ANK2: variants seen among roughly 807,000 people sequenced by gnomAD.
ANK2 encodes ankyrin-2.
ANK2 carries 83 observed loss-of-function variants against 360.5 expected under a neutral mutation model. That is an observed-to-expected ratio of 0.23 (90% CI 0.19 to 0.28). The LOEUF is 0.28. Among genes scored for constraint, ANK2 ranks in the 10% least tolerant of loss-of-function variants. The probability of loss-of-function intolerance (pLI) is 1.00; values close to 1 mark genes in which losing one functional copy is unlikely to be tolerated. For synonymous variants in ANK2, 1,740 were observed against 1,759.5 expected, an observed-to-expected ratio of 0.99 and a Z score of 0.28; for missense variants, 4,201 against 4,795.7, an observed-to-expected ratio of 0.88 and a Z score of 3.66.
chr4:113,173,102 C>G (rs1280956496), intron 1 of ANK2, among the ~76,000 whole-genome samples: 1 of 152,146 alleles, frequency 6.6e-6, no homozygotes, highest in Non-Finnish European at 1.5e-5. Flanking sequence ...TTCAGTCACA[C>G]CTTTCAACTC....
intron 9 of ANK2, among the ~76,000 whole-genome samples, chr4:113,247,200 C>G (rs1202279681): frequency 6.6e-6 from 1 of 150,692 alleles, no homozygotes; most frequent in African/African-American, 2.4e-5. Context: ...CACAAGGGGT[C>G]TCTGGAAGGG....
intron 2 of ANK2, among the ~76,000 whole-genome samples, chr4:113,193,214 A>G (rs530253693): frequency 5.3e-5 from 8 of 152,372 alleles, no homozygotes; most frequent in African/African-American, 1.9e-4. Context: ...GGAATTTAAA[A>G]GAAACCCTTG....
chr4:113,123,531 A>T (rs564060590), intron 1 of ANK2, among the ~76,000 whole-genome samples: 36 of 152,160 alleles, frequency 2.4e-4, no homozygotes, highest in Non-Finnish European at 5.0e-4. Flanking sequence ...TGTAAAGAAG[A>T]CTTTTCTCAA....
chr4:112,906,038 A>G (rs2085078738), intron 2 of ANK2, among the ~76,000 whole-genome samples: 1 of 152,204 alleles, frequency 6.6e-6, no homozygotes, highest in East Asian at 1.9e-4. Context: ...AATATATTCC[A>G]ATACATTTTG....
chr4:113,286,735 G>A (rs2064802895), intron 18 of ANK2, among the ~76,000 whole-genome samples: 1 of 152,138 alleles, frequency 6.6e-6, no homozygotes, highest in South Asian at 2.1e-4. Flanking sequence ...CAATAGTGAG[G>A]GGAGAGAAAT....
chr4:112,748,100 T>C, the ANK2 span, among the ~76,000 whole-genome samples: 1 of 152,132 alleles, frequency 6.6e-6, no homozygotes, highest in African/African-American at 2.4e-5. Flanking sequence ...CTGCAGTGCA[T>C]CAGGAAAATG....
chr4:113,321,462 A>G (rs562057053), intron 26 of ANK2, among the ~76,000 whole-genome samples: 3 of 152,200 alleles, frequency 2.0e-5, no homozygotes, highest in Non-Finnish European at 2.9e-5. Flanking sequence ...CAGTGTTTCA[A>G]CAAACACAAT....
At chr4:112,996,659 A>G (rs2048629276) in intron 2 of ANK2, among the ~76,000 whole-genome samples, 2 of 152,106 alleles carry the variant, frequency 1.3e-5, no homozygotes, top group African/African-American at 4.8e-5. Flanking sequence ...ATGTTTTGAT[A>G]CAGGCATGCA....
chr4:112,708,761 A>G, the ANK2 span, among the ~76,000 whole-genome samples: 56 of 152,326 alleles, frequency 3.7e-4, no homozygotes, highest in African/African-American at 1.3e-3. Context: ...TCACTCCTCT[A>G]ATAATGAGCC....
intron 1 of ANK2, among the ~76,000 whole-genome samples, chr4:112,833,589 C>T (rs1236574315): frequency 6.6e-6 from 1 of 151,672 alleles, no homozygotes; most frequent in Admixed American, 6.6e-5. Context: ...CTGCAAGCTC[C>T]GCCTCCCGGG....
chr4:113,034,538 G>A (rs2061152948), intron 2 of ANK2: 1 of 151,008 alleles, frequency 6.6e-6, no homozygotes, highest in African/African-American at 2.4e-5. Context: ...TTTTATGCAT[G>A]TCCTTGAGGG....
chr4:113,213,548 A>G (rs1184958645), intron 4 of ANK2, among the ~76,000 whole-genome samples: 1 of 152,186 alleles, frequency 6.6e-6, no homozygotes, highest in East Asian at 1.9e-4. Flanking sequence ...TATAATATAA[A>G]TCTTTGATTC....
At chr4:113,080,091 G>A (rs2081775477) in intron 1 of ANK2, among the ~76,000 whole-genome samples, 1 of 152,016 alleles carries the variant, frequency 6.6e-6, no homozygotes, top group Admixed American at 6.6e-5. Flanking sequence ...TAGAGACGGG[G>A]TTTCGCCATG....
intron 1 of ANK2, among the ~76,000 whole-genome samples, chr4:113,162,610 A>G (rs1452860481): frequency 1.3e-5 from 2 of 152,180 alleles, no homozygotes; most frequent in Non-Finnish European, 2.9e-5. Context: ...CTAAATGTAA[A>G]TAGTAAAACA....
intron 5 of ANK2, among the ~76,000 whole-genome samples, chr4:113,234,866 C>T (rs1395863218): frequency 2.6e-5 from 4 of 152,156 alleles, no homozygotes; most frequent in Admixed American, 2.0e-4. Flanking sequence ...AGCTACCAAA[C>T]TTTAATATGG....
Position 113,377,006 on chromosome 4 carries a change from C to T in ANK2, c.11859+3557C>T, listed in dbSNP as rs538413503. On this transcript the variant is annotated intron_variant, in intron 45 of 45. Transcript: ENST00000357077. ...TCTGCAATACCTCCTGAAGGACCTG[C>T]CTGAGGCTCCTTGATAATTAACTGT... Among the ~76,000 whole-genome samples the T allele has an allele frequency of 2.0e-5, 3 of 151,788 alleles. No individual in the cohort carries two copies. The South Asian group carries it at 6.3e-4, about 32-fold the overall frequency.
chr4:113,336,823 A>G (rs927153764), intron 31 of ANK2, 42 bp downstream of exon 31: 1 of 1,575,652 alleles, frequency 6.3e-7, no homozygotes, highest in African/African-American at 1.3e-5. Context: ...TTCTGAAAAA[A>G]GAAACTTAGA....
intron 10 of ANK2, among the ~76,000 whole-genome samples, chr4:113,255,509 A>G (rs1247244799): frequency 6.6e-6 from 1 of 152,224 alleles, no homozygotes; most frequent in Non-Finnish European, 1.5e-5. Context: ...TGACAGACAT[A>G]CTAATTTGCA....
intron 22 of ANK2, among the ~76,000 whole-genome samples, chr4:113,300,335 T>C (rs1157916384): frequency 6.6e-6 from 1 of 152,080 alleles, no homozygotes; most frequent in African/African-American, 2.4e-5. Flanking sequence ...TTTCTTCCTG[T>C]CTTTTAACTA....
Sources: allele counts gnomAD v4.1 joint callset (sites outside exome capture counted in the v4.1 genomes callset), GRCh38; gene constraint gnomAD v4.1.1; transcripts MANE v1.5; gene names NCBI Gene and HGNC (gene_info 2026-07-23, HGNC 2026-07-21).